GRM7: variants seen among roughly 807,000 people sequenced by gnomAD.
The protein encoded by GRM7 is metabotropic glutamate receptor 7.
A neutral mutation model predicts 84.5 loss-of-function variants in GRM7; 35 were observed. The observed-to-expected ratio is 0.41, with a 90% CI of 0.32 to 0.55. GRM7 has a LOEUF of 0.55. GRM7 is among the 20% of genes least tolerant of loss of function. GRM7 has a pLI of 0.19. For missense variants in GRM7, 1,003 were observed against 1,194.6 expected (o/e 0.84, Z 2.36); for synonymous variants, 487 against 455.1 (o/e 1.07, Z -0.89).
At chr3:7,432,602 G>T (rs2124851715) in intron 5 of GRM7, among the ~76,000 whole-genome samples, 1 of 151,554 alleles carries the variant, frequency 6.6e-6, no homozygotes, top group Admixed American at 6.6e-5. Flanking sequence ...GATTACAGAT[G>T]TGAGCCACCA....
At chr3:7,027,675 G>T (rs566164671) in intron 1 of GRM7, among the ~76,000 whole-genome samples, 1 of 151,916 alleles carries the variant, frequency 6.6e-6, no homozygotes, top group South Asian at 2.1e-4. Context: ...TCACTTCATT[G>T]GTTAAAACCC....
intron 2 of GRM7, among the ~76,000 whole-genome samples, chr3:7,170,571 A>C (rs1444523453): frequency 6.6e-6 from 1 of 152,166 alleles, no homozygotes; most frequent in African/African-American, 2.4e-5. Context: ...TGGTGGGTGG[A>C]TTCCTATCTC....
intron 2 of GRM7, among the ~76,000 whole-genome samples, chr3:7,280,788 C>T (rs896735943): frequency 5.9e-5 from 9 of 152,154 alleles, no homozygotes; most frequent in African/African-American, 2.2e-4. Context: ...AGTTAATCCT[C>T]AAAGTGCTTA....
At chr3:7,320,133 GGAAA>G (rs1384298841) in intron 4 of GRM7, among the ~76,000 whole-genome samples, 2 of 151,806 alleles carry the variant, frequency 1.3e-5, no homozygotes, top group African/African-American at 4.8e-5. Flanking sequence ...ATGTATGCAT[GGAAA>G]TGTACAGTAC....
intron 4 of GRM7, among the ~76,000 whole-genome samples, chr3:7,396,759 G>A (rs1695228403): frequency 6.6e-6 from 1 of 152,108 alleles, no homozygotes; most frequent in Non-Finnish European, 1.5e-5. Flanking sequence ...TCTGATGCAA[G>A]TGGTGCCATC....
intron 1 of GRM7, among the ~76,000 whole-genome samples, chr3:6,884,559 T>G (rs1424114101): frequency 6.6e-6 from 1 of 152,166 alleles, no homozygotes; most frequent in Non-Finnish European, 1.5e-5. Context: ...TGTGTAGTCT[T>G]GGGCAAGTCA....
chr3:7,322,797 C>G (rs1700836822), intron 4 of GRM7, among the ~76,000 whole-genome samples: 1 of 151,818 alleles, frequency 6.6e-6, no homozygotes, highest in South Asian at 2.1e-4. Context: ...ACTTTATACT[C>G]TATATAGGGA....
intron 1 of GRM7, among the ~76,000 whole-genome samples, chr3:6,934,120 G>A (rs1202241644): frequency 1.3e-5 from 2 of 151,920 alleles, no homozygotes; most frequent in Admixed American, 1.3e-4. Flanking sequence ...ATAAAACCAG[G>A]GTAGAATTGA....
At chr3:7,198,265 G>A (rs562858873) in intron 2 of GRM7, among the ~76,000 whole-genome samples, 10 of 152,192 alleles carry the variant, frequency 6.6e-5, no homozygotes, top group Admixed American at 2.0e-4. Flanking sequence ...ACATCATGGT[G>A]TGCAAAAGAA....
intron 8 of GRM7, among the ~76,000 whole-genome samples, chr3:7,659,471 T>C (rs1386759148): frequency 8.5e-6 from 1 of 117,630 alleles, no homozygotes; most frequent in Non-Finnish European, 2.1e-5. Context: ...CAATCACATA[T>C]GTAAATCAAC....
chr3:7,598,133 C>T (rs1696139482), intron 8 of GRM7, among the ~76,000 whole-genome samples: 1 of 152,136 alleles, frequency 6.6e-6, no homozygotes, highest in South Asian at 2.1e-4. Context: ...CTTCAGTCAT[C>T]ATAATCTGAC....
chr3:7,329,687 G>C (rs1486546319), intron 4 of GRM7, among the ~76,000 whole-genome samples: 3 of 152,108 alleles, frequency 2.0e-5, no homozygotes, highest in Non-Finnish European at 4.4e-5. Flanking sequence ...TACCTGGTGT[G>C]TCTCATCTAT....
intron 5 of GRM7, among the ~76,000 whole-genome samples, chr3:7,424,157 A>G (rs112162830): frequency 5.2e-4 from 79 of 152,194 alleles, no homozygotes; most frequent in African/African-American, 1.9e-3. Context: ...AACAGTCCCT[A>G]CTATATGGGC....
chr3:7,040,526 A>T (rs1559400880), intron 1 of GRM7, among the ~76,000 whole-genome samples: 1 of 151,786 alleles, frequency 6.6e-6, no homozygotes, highest in Non-Finnish European at 1.5e-5. Context: ...GATGGTCTCG[A>T]TCTCCTGACC....
intron 9 of GRM7, chr3:7,681,669 A>AGG (rs1700372981): frequency 6.6e-6 from 1 of 152,180 alleles, no homozygotes; most frequent in African/African-American, 2.4e-5. Flanking sequence ...GCCAATTGAG[A>AGG]GGAGGGCAAG....
At chr3:7,326,399 TATAGC>T (rs1700989908) in intron 4 of GRM7, among the ~76,000 whole-genome samples, 1 of 152,128 alleles carries the variant, frequency 6.6e-6, no homozygotes, top group Non-Finnish European at 1.5e-5. Flanking sequence ...AGCAAGTGAT[TATAGC>T]ATTTTTTCTT....
At position 6,865,229 on chromosome 3, in the gene GRM7, A is replaced by T. The variant is rs978439725; in HGVS notation, c.519+3322A>T. Among the ~76,000 whole-genome samples the T allele has an allele frequency of 5.9e-5, 9 of 152,364 alleles. No homozygotes were observed. The East Asian group carries it at 1.3e-3, about 23-fold the overall frequency. ...TGCTAAGAAAGATTAAACGTAAATTAATATTGACTATAAGTAACATATTTA... is the reference window on the plus strand; with the variant it reads ...TGCTAAGAAAGATTAAACGTAAATTTATATTGACTATAAGTAACATATTTA... On this transcript the variant is annotated intron_variant, in intron 1 of 9. Transcript: ENST00000357716.
intron 1 of GRM7, among the ~76,000 whole-genome samples, chr3:7,141,971 G>A (rs991534539): frequency 1.3e-5 from 2 of 151,792 alleles, no homozygotes; most frequent in African/African-American, 4.8e-5. Flanking sequence ...AAATATTTTT[G>A]TTACTTTGAG....
intron 6 of GRM7, among the ~76,000 whole-genome samples, chr3:7,453,272 G>A (rs1697855170): frequency 6.6e-6 from 1 of 152,038 alleles, no homozygotes; most frequent in Non-Finnish European, 1.5e-5. Flanking sequence ...GTGGACACAA[G>A]CTGACTGTCC....
Sources: gnomAD v4.1 joint callset for allele counts (sites outside exome capture counted in the v4.1 genomes callset) on GRCh38, gnomAD v4.1.1 for gene constraint, MANE v1.5 for transcripts, NCBI Gene and HGNC (gene_info 2026-07-23, HGNC 2026-07-21) for gene names.